CRYM: variants seen among roughly 807,000 people sequenced by gnomAD.
CRYM encodes ketimine reductase mu-crystallin.
Under a neutral mutation model 32.9 loss-of-function variants are expected in CRYM, and 18 were observed. That is an observed-to-expected ratio of 0.55 (90% CI 0.38 to 0.81). CRYM has a LOEUF of 0.81. CRYM is among the 30% of genes least tolerant of loss of function. CRYM has a pLI of 0.00. For missense variants in CRYM, 337 were observed against 393.5 expected, an observed-to-expected ratio of 0.86 and a Z score of 1.21; for synonymous variants, 153 against 152.4, an observed-to-expected ratio of 1.00 and a Z score of -0.03.
Position 21,301,723 on chromosome 16 carries a change from C to T in CRYM, c.-193+1255G>A, listed in dbSNP as rs142753887. On this transcript the variant is annotated intron_variant, in intron 1 of 9. Transcript: ENST00000219599. The stretch of plus-strand genomic sequence containing the variant: ...CTACCGCTCCGCGCACTGCGCGCCC[C>T]CAGCCCTAGTGCAGCCAGCTCCCGG... Among the ~76,000 whole-genome samples the T allele has an allele frequency of 2.7e-3, 415 of 152,360 alleles. 1 individual carries two copies. The highest frequency in any genetic ancestry group is 2.6e-3 in the Non-Finnish European group (179 of 68,028).
Position 21,278,189 on chromosome 16 carries a change from G to A in CRYM, c.63C>T (p.Ser21=), listed in dbSNP as rs372242862. 271 of 1,553,540 alleles carry A rather than the reference G, an allele frequency of 1.7e-4. 1 individual carries two copies. The highest frequency in any genetic ancestry group is 6.8e-4 in the Admixed American group (35 of 51,544). The part of the protein sequence containing the change: ...AEVEEHLRSS[S]LLIPPLETAL... ...CCGTCTCTAGAGGCGGGATGAGGAG[G>A]CTGGAGCTGCGGAGGTGTTCCTCCA... Residue 21 remains serine (S), a synonymous_variant, in exon 1 of 8, where the codon AGC becomes AGT. Transcript: ENST00000572914.
rs768192471 is a variant in CRYM, at chr16:21,258,765, A to G, written c.*16T>C. On this transcript the variant is annotated 3_prime_UTR_variant, in exon 8 of 8. Transcript: ENST00000572914. ...ATATTCCTCAAGCATCCATCTCAAC[A>G]TCAAGTTCCTTTGTTTTATTTACCA... 6.8e-6 allele frequency: 11 copies of G among 1,611,078 alleles called. No homozygotes were observed. Among genetic ancestry groups the G allele is most frequent in the Non-Finnish European group, 9.3e-6 (11 of 1,177,268 alleles).
At chr16:21,290,152 G>A (rs1349711575) in intron 1 of CRYM, among the ~76,000 whole-genome samples, 1 of 152,134 alleles carries the variant, frequency 6.6e-6, no homozygotes, top group African/African-American at 2.4e-5. Flanking sequence ...CAGTGGCAAT[G>A]TCGGATCCCC....
At chr16:21,283,081 G>A (rs2152863961), upstream of CRYM, among the ~76,000 whole-genome samples, 1 of 152,192 alleles carries the variant, frequency 6.6e-6, no homozygotes, top group Admixed American at 6.5e-5. Context: ...AAGCCTGGGG[G>A]CCATGTAAGC....
rs764449864 is a variant in CRYM at position 21,267,718 on chromosome 16, G to T, written c.509C>A (p.Thr170Asn). The change falls in exon 5 of 8, where the codon ACC becomes AAC. Residue 170 changes from threonine to asparagine, a missense_variant. Thr to Asn is a moderately conservative substitution (Grantham distance 65). Coordinates refer to ENST00000572914, the MANE Select transcript of CRYM (RefSeq NM_001376256.1). ...TGCAAACTTCTCTGCATTTTCTTTGGTGCGGTTCCATATCCTCACCTTCAT... is the reference window on the plus strand; with the variant it reads ...TGCAAACTTCTCTGCATTTTCTTTGTTGCGGTTCCATATCCTCACCTTCAT... ...SFKEVRIWNR[T>N]KENAEKFADT... 2 of 1,614,198 alleles carry T rather than the reference G, an allele frequency of 1.2e-6. No individual in the cohort carries two copies. The highest frequency in any genetic ancestry group is 3.3e-5 in the Admixed American group (2 of 60,024).
intron 2 of CRYM, among the ~76,000 whole-genome samples, chr16:21,276,534 T>C (rs1174264484): frequency 1.3e-5 from 2 of 152,168 alleles, no homozygotes; most frequent in African/African-American, 4.8e-5. Context: ...CTTGAGTCTT[T>C]CACTAACCAG....
chr16:21,297,862 T>A (rs779964923), intron 1 of CRYM, among the ~76,000 whole-genome samples: 40 of 152,266 alleles, frequency 2.6e-4, no homozygotes, highest in South Asian at 1.0e-3. Flanking sequence ...ACAAGCAAAA[T>A]CCAACTCTGC....
chr16:21,290,622 T>C (rs1045481661), intron 1 of CRYM, among the ~76,000 whole-genome samples: 5 of 152,216 alleles, frequency 3.3e-5, no homozygotes, highest in African/African-American at 7.2e-5. Context: ...CATCTTTTTT[T>C]CCAGTAATTT....
Position 21,258,766 on chromosome 16 carries a change from T to A in CRYM, c.*15A>T. ...TATTCCTCAAGCATCCATCTCAACA[T>A]CAAGTTCCTTTGTTTTATTTACCAG... On this transcript the variant is annotated 3_prime_UTR_variant, in exon 8 of 8. Coordinates refer to ENST00000572914, the MANE Select transcript of CRYM (RefSeq NM_001376256.1). 1 of 1,611,308 alleles carries A rather than the reference T, an allele frequency of 6.2e-7. No homozygotes were observed. The highest frequency in any genetic ancestry group is 8.5e-7 in the Non-Finnish European group (1 of 1,177,474).
upstream of CRYM, among the ~76,000 whole-genome samples, chr16:21,283,076 T>C (rs1344657305): frequency 6.6e-6 from 1 of 152,162 alleles, no homozygotes; most frequent in Non-Finnish European, 1.5e-5. Context: ...GGGACAAGCC[T>C]GGGGGCCATG....
chr16:21,278,730 T>A (rs2093392795), upstream of CRYM: 1 of 172,396 alleles, frequency 5.8e-6, no homozygotes, highest in Admixed American at 5.9e-5. Flanking sequence ...CTTATTTAAT[T>A]TTTTTTTCCT....
chr16:21,301,978 C>T (rs1960955171), intron 1 of CRYM, among the ~76,000 whole-genome samples: 1 of 152,230 alleles, frequency 6.6e-6, no homozygotes, highest in Non-Finnish European at 1.5e-5. Context: ...GGCCCACCCG[C>T]TAGCCGCGAT....
In CRYM at chr16:21,291,298, G is replaced by A. The variant is rs28439954; in HGVS notation, c.-193+11680C>T. ...CAAGAGGTGAATATGTTGTGTTCCT[G>A]TTGAAAAGTATTCCTAACTCCATAA... On this transcript the variant is annotated intron_variant, in intron 1 of 9. Coordinates refer to the CRYM transcript ENST00000219599. 8.3e-3 allele frequency among the ~76,000 whole-genome samples: 1,264 copies of A among 152,244 alleles called. 17 individuals carry two copies. The highest frequency in any genetic ancestry group is 0.029 in the African/African-American group (1,202 of 41,552).
Position 21,278,212 on chromosome 16 carries a change from C to T in CRYM, c.40G>A (p.Glu14Lys). 1.3e-6 allele frequency: 2 copies of T among 1,565,800 alleles called. No individual in the cohort carries two copies. The highest frequency in any genetic ancestry group is 8.6e-7 in the Non-Finnish European group (1 of 1,157,284). The stretch of plus-strand genomic sequence containing the variant: ...AGGCTGGAGCTGCGGAGGTGTTCCT[C>T]CACCTCGGCCGCGCTCAGGAACGCT... Reference protein sequence around the residue: ...VPAFLSAAEVEEHLRSSSLLI... With the variant: ...VPAFLSAAEVKEHLRSSSLLI... The change falls in exon 1 of 8, where the codon GAG becomes AAG. Residue 14 changes from glutamate to lysine, a missense_variant. By Grantham distance (56) the Glu-to-Lys change is moderately conservative. Transcript: ENST00000572914.
upstream of CRYM, among the ~76,000 whole-genome samples, chr16:21,280,189 G>A (rs989553626): frequency 2.0e-5 from 3 of 152,136 alleles, no homozygotes; most frequent in African/African-American, 7.2e-5. Flanking sequence ...AGACCAGCCT[G>A]GCCAACATGG....
At chr16:21,301,690 G>T (rs1407640921) in intron 1 of CRYM, among the ~76,000 whole-genome samples, 1 of 152,204 alleles carries the variant, frequency 6.6e-6, no homozygotes, top group Non-Finnish European at 1.5e-5. Context: ...CTTCCGCACC[G>T]CTGACTCCTA....
intron 7 of CRYM, 47 bp from the exon 8 acceptor site, chr16:21,258,892 C>T: frequency 1.3e-6 from 2 of 1,536,346 alleles, no homozygotes; most frequent in Non-Finnish European, 9.0e-7. Flanking sequence ...AACAACTTTT[C>T]TTGAAACAAC....
chr16:21,284,934 A>G (rs1371624624), intron 1 of CRYM, among the ~76,000 whole-genome samples: 1 of 152,140 alleles, frequency 6.6e-6, no homozygotes, highest in Non-Finnish European at 1.5e-5. Flanking sequence ...CCTCACCAGC[A>G]TCTGTTTTTT....
intron 5 of CRYM, among the ~76,000 whole-genome samples, chr16:21,262,964 T>G (rs917924892): frequency 6.6e-6 from 1 of 152,220 alleles, no homozygotes; most frequent in Non-Finnish European, 1.5e-5. Flanking sequence ...AGACATCACT[T>G]GGTGCTTATT....
Sources: allele counts gnomAD v4.1 joint callset (sites outside exome capture counted in the v4.1 genomes callset), GRCh38; gene constraint gnomAD v4.1.1; transcripts MANE v1.5; gene names NCBI Gene and HGNC (gene_info 2026-07-23, HGNC 2026-07-21).